Variants in TENM1 observed in about 807,000 individuals in gnomAD.
TENM1 encodes the protein teneurin-1.
TENM1 carries 35 observed loss-of-function variants against 174.8 expected under a neutral mutation model. The ratio of observed to expected loss-of-function variants is 0.20; its 90% CI spans 0.15 to 0.27. The LOEUF (loss-of-function observed/expected upper bound fraction) is 0.27. TENM1 is among the 10% of genes least tolerant of loss of function. The probability of loss-of-function intolerance (pLI) is 1.00; values close to 1 mark genes in which losing one functional copy is unlikely to be tolerated. For missense variants in TENM1, 1,633 were observed against 2,130.1 expected (o/e 0.77, Z 4.59); for synonymous variants, 781 against 798.7 (o/e 0.98, Z 0.37).
At chrX:124,979,139 C>T in the TENM1 span, among the ~76,000 whole-genome samples, 1 of 112,950 alleles carries the variant, frequency 8.9e-6, no homozygotes, top group Non-Finnish European at 1.9e-5. Flanking sequence ...ATTGGCCAAG[C>T]TCAGAGTTGA....
chrX:124,575,306 T>C (rs2049143239), intron 11 of TENM1, among the ~76,000 whole-genome samples: 1 of 111,949 alleles, frequency 8.9e-6, no homozygotes, highest in Admixed American at 9.5e-5. Flanking sequence ...AACATAATAC[T>C]TGTCCCTCAG....
intron 11 of TENM1, among the ~76,000 whole-genome samples, chrX:124,615,639 G>T (rs1045799329): frequency 8.9e-6 from 1 of 111,953 alleles, no homozygotes; most frequent in Non-Finnish European, 1.9e-5. Flanking sequence ...CCTGGAAAAA[G>T]AATGATAATG....
chrX:124,825,144 C>T lies in TENM1; in HGVS notation c.535+69152G>A, dbSNP rs184851718. ...GAAATCAACAAATTTCTTTTTCATA[C>T]ATAAGCTGACTTTCTTTTTTTTTTT... On this transcript the variant is annotated intron_variant, in intron 3 of 31. Coordinates refer to ENST00000422452, the Ensembl canonical transcript of TENM1. Among the ~76,000 whole-genome samples the T allele has an allele frequency of 3.3e-3, 321 of 98,747 alleles. 5 individuals are homozygous for T. The highest frequency in any genetic ancestry group is 3.7e-3 in the Non-Finnish European group (184 of 49,345). The allele number at this position is 98,747 out of a possible 115,157, so 85.7% of individuals were successfully genotyped here. A position where few individuals can be genotyped will look rare whatever the true frequency, so the allele number is the denominator to read the frequency against.
intron 26 of TENM1, 144 bp downstream of exon 29, chrX:124,406,173 G>T: frequency 2.0e-6 from 1 of 493,146 alleles, no homozygotes; most frequent in Non-Finnish European, 3.3e-6. Flanking sequence ...TTTTGTCTGT[G>T]TTTCAACTTC....
the TENM1 span, among the ~76,000 whole-genome samples, chrX:125,028,771 A>G: frequency 1.9e-4 from 21 of 111,978 alleles, no homozygotes; most frequent in African/African-American, 6.8e-4. Flanking sequence ...CCAATAAAAA[A>G]CAAAGAAAAA....
intron 3 of TENM1, among the ~76,000 whole-genome samples, chrX:124,788,936 T>C (rs1569444648): frequency 8.9e-6 from 1 of 112,200 alleles, no homozygotes; most frequent in Non-Finnish European, 1.9e-5. Flanking sequence ...GGTTGGGGCT[T>C]TGTCCCACAT....
intron 3 of TENM1, among the ~76,000 whole-genome samples, chrX:124,765,380 C>T (rs1383663019): frequency 5.4e-5 from 6 of 112,050 alleles, no homozygotes; most frequent in Admixed American, 9.5e-5. Flanking sequence ...TCTTCCCTAA[C>T]AGAGGATAAA....
At chrX:125,174,504 G>T in the TENM1 span, among the ~76,000 whole-genome samples, 1 of 111,481 alleles carries the variant, frequency 9.0e-6, no homozygotes, top group Non-Finnish European at 1.9e-5. Context: ...GGTAAGCAAA[G>T]GATTAGGGCA....
chrX:125,186,324 C>A, the TENM1 span, among the ~76,000 whole-genome samples: 13 of 111,285 alleles, frequency 1.2e-4, no homozygotes, highest in Admixed American at 1.2e-3. Flanking sequence ...TGGTTCAGTC[C>A]TTTTACCAAC....
At chrX:125,077,175 C>T in the TENM1 span, among the ~76,000 whole-genome samples, 1 of 111,385 alleles carries the variant, frequency 9.0e-6, no homozygotes, top group African/African-American at 3.2e-5. Flanking sequence ...CCATAATTTT[C>T]ATCCAGACAA....
At chrX:124,380,792 T>C (rs754574392) in exon 32 of TENM1, 6 of 1,210,059 alleles carry the variant, frequency 5.0e-6, no homozygotes, top group Admixed American at 2.2e-5. Flanking sequence ...ATTCTTTTCC[T>C]CTTCGACAGT....
At chrX:124,723,179 T>C (rs1353030937) in intron 4 of TENM1, among the ~76,000 whole-genome samples, 1 of 111,917 alleles carries the variant, frequency 8.9e-6, no homozygotes, top group Non-Finnish European at 1.9e-5. Context: ...TACCTTTTGT[T>C]TCCATTTTCT....
chrX:124,704,265 C>T (rs1468019213), intron 5 of TENM1, among the ~76,000 whole-genome samples: 1 of 111,975 alleles, frequency 8.9e-6, no homozygotes, highest in Non-Finnish European at 1.9e-5. Context: ...AGGAATAGTG[C>T]TGCCACAAAA....
At chrX:124,651,638 T>C (rs1268433692) in intron 8 of TENM1, among the ~76,000 whole-genome samples, 1 of 111,569 alleles carries the variant, frequency 9.0e-6, no homozygotes, top group African/African-American at 3.3e-5. Context: ...ATAATATTAC[T>C]AAGGTAATTA....
intron 1 of TENM1, among the ~76,000 whole-genome samples, chrX:124,936,808 A>AG (rs1453495770): frequency 9.0e-6 from 1 of 111,607 alleles, no homozygotes; most frequent in African/African-American, 3.3e-5. Flanking sequence ...GCACTTTGGG[A>AG]GGCCGACGTG....
chrX:125,138,252 T>TC, the TENM1 span, among the ~76,000 whole-genome samples: 2 of 110,472 alleles, frequency 1.8e-5, no homozygotes, highest in Admixed American at 1.9e-4. Flanking sequence ...TCAAAAGATT[T>TC]TTTTTTTTTC....
intron 9 of TENM1, among the ~76,000 whole-genome samples, chrX:124,646,126 A>T (rs1359489062): frequency 8.9e-6 from 1 of 112,468 alleles, no homozygotes; most frequent in East Asian, 2.8e-4. Context: ...AGTCTACGGG[A>T]AAACATGATG....
At chrX:125,112,645 C>A in the TENM1 span, among the ~76,000 whole-genome samples, 1 of 111,552 alleles carries the variant, frequency 9.0e-6, no homozygotes, top group African/African-American at 3.3e-5. Context: ...GTGTCAATCA[C>A]AAATTAATTT....
At chrX:124,913,757 A>T (rs1353301320) in intron 1 of TENM1, among the ~76,000 whole-genome samples, 3 of 112,033 alleles carry the variant, frequency 2.7e-5, no homozygotes, top group Non-Finnish European at 5.6e-5. Context: ...AGAAACAGGC[A>T]TATGCTTATA....
Sources: allele counts gnomAD v4.1 joint callset (sites outside exome capture counted in the v4.1 genomes callset), GRCh38; gene constraint gnomAD v4.1.1; transcripts MANE v1.5; gene names NCBI Gene and HGNC (gene_info 2026-07-23, HGNC 2026-07-21).